KPNA3: variants seen among roughly 807,000 people sequenced by gnomAD.
KPNA3 encodes karyopherin subunit alpha 3, also known as importin subunit alpha-4.
A neutral mutation model predicts 73.8 loss-of-function variants in KPNA3; 13 were observed. The observed-to-expected ratio is 0.18, with a 90% CI of 0.11 to 0.28. The LOEUF (loss-of-function observed/expected upper bound fraction) is 0.28, where lower values mean the gene tolerates loss of function less well. KPNA3 is among the 10% of genes least tolerant of loss of function. The probability of loss-of-function intolerance (pLI) is 1.00; values close to 1 mark genes in which losing one functional copy is unlikely to be tolerated. For synonymous variants in KPNA3, 186 were observed against 206.9 expected (o/e 0.90, Z 0.87); for missense variants, 360 against 618.1 (o/e 0.58, Z 4.43).
At chr13:49,722,725 C>T (rs567016501) in intron 7 of KPNA3, among the ~76,000 whole-genome samples, 162 bp from the exon 8 acceptor site, 21 of 151,498 alleles carry the variant, frequency 1.4e-4, no homozygotes, top group African/African-American at 4.8e-4. Context: ...CAGTATTTTC[C>T]CCTAGTAATA....
At chr13:49,786,685 CA>C (rs1954985259) in intron 1 of KPNA3, among the ~76,000 whole-genome samples, 1 of 152,110 alleles carries the variant, frequency 6.6e-6, no homozygotes, top group Admixed American at 6.5e-5. Flanking sequence ...ACTGGTTACT[CA>C]AGCATCTCCA....
chr13:49,771,313 T>C (rs1252979388), intron 1 of KPNA3, among the ~76,000 whole-genome samples: 1 of 152,226 alleles, frequency 6.6e-6, no homozygotes, highest in Non-Finnish European at 1.5e-5. Flanking sequence ...ACTTAGATCT[T>C]TCTTTCAATG....
chr13:49,770,618 TAC>T (rs1954845383), intron 1 of KPNA3, among the ~76,000 whole-genome samples: 1 of 152,184 alleles, frequency 6.6e-6, no homozygotes, highest in South Asian at 2.1e-4. Context: ...TACAAAGATC[TAC>T]ACAGATGTTT....
At chr13:49,778,640 TG>T (rs1954916339) in intron 1 of KPNA3, among the ~76,000 whole-genome samples, 1 of 152,226 alleles carries the variant, frequency 6.6e-6, no homozygotes, top group Admixed American at 6.5e-5. Context: ...AGAGAGCTTT[TG>T]TTTTTTTGTT....
intron 10 of KPNA3, among the ~76,000 whole-genome samples, chr13:49,713,547 A>G (rs1259008789): frequency 6.6e-6 from 1 of 151,952 alleles, no homozygotes; most frequent in Admixed American, 6.6e-5. Flanking sequence ...TCACAAGGCA[A>G]AAAACTTATA....
At chr13:49,746,467 G>A (rs1267280043) in intron 2 of KPNA3, among the ~76,000 whole-genome samples, 2 of 152,036 alleles carry the variant, frequency 1.3e-5, no homozygotes, top group Non-Finnish European at 1.5e-5. Context: ...AGAGTGAAAC[G>A]CTGTCTCAAA....
At chr13:49,790,144 C>T (rs1026580407) in intron 1 of KPNA3, among the ~76,000 whole-genome samples, 11 of 152,174 alleles carry the variant, frequency 7.2e-5, no homozygotes, top group African/African-American at 2.7e-4. Flanking sequence ...GTGACATGCA[C>T]AGGCTACATA....
chr13:49,722,352 A>T, intron 8 of KPNA3, 125 bp downstream of exon 8: 1 of 695,488 alleles, frequency 1.4e-6, no homozygotes, highest in Non-Finnish European at 2.4e-6. Flanking sequence ...TTAAGTCAGT[A>T]CTTATGAGGC....
At chr13:49,708,299 A>G (rs750684589) in intron 12 of KPNA3, among the ~76,000 whole-genome samples, 1 of 151,830 alleles carries the variant, frequency 6.6e-6, no homozygotes, top group Non-Finnish European at 1.5e-5. Context: ...CTGGCCAACT[A>G]AACGTAAATT....
intron 10 of KPNA3, 81 bp downstream of exon 10, chr13:49,719,694 A>G (rs1389327154): frequency 2.2e-6 from 2 of 917,642 alleles, no homozygotes; most frequent in Admixed American, 2.0e-5. Context: ...AAGTTGATAA[A>G]ATGTATGCTG....
rs1954255937 is a variant in KPNA3, at chr13:49,711,075, C to A, written c.772-53G>T. On this transcript the variant is annotated intron_variant, in intron 10 of 16. Transcript: ENST00000261667. Reference sequence around the variant, plus strand: ...TTTACATATTTGTTTGAATGCTTTACTTGTTCAACACACCTCAGGAGTAGT... The same window carrying A: ...TTTACATATTTGTTTGAATGCTTTAATTGTTCAACACACCTCAGGAGTAGT... 17 of 1,536,024 alleles carry A rather than the reference C, an allele frequency of 1.1e-5. 1 individual carries two copies. The South Asian group carries it at 2.1e-4, about 19-fold the overall frequency.
chr13:49,751,119 GC>G (rs1954659116), intron 1 of KPNA3, among the ~76,000 whole-genome samples: 1 of 152,170 alleles, frequency 6.6e-6, no homozygotes, highest in African/African-American at 2.4e-5. Context: ...TGTGTTAAGG[GC>G]TGGAAGAGAG....
chr13:49,740,297 T>C (rs1954561905), intron 2 of KPNA3, among the ~76,000 whole-genome samples: 1 of 152,092 alleles, frequency 6.6e-6, no homozygotes, highest in Non-Finnish European at 1.5e-5. Context: ...TTCATTTTTG[T>C]GTGTGTGGTG....
At chr13:49,787,949 G>C (rs1299450902) in intron 1 of KPNA3, among the ~76,000 whole-genome samples, 1 of 152,194 alleles carries the variant, frequency 6.6e-6, no homozygotes, top group Non-Finnish European at 1.5e-5. Flanking sequence ...CAAAGTGCTG[G>C]GATTACAGGC....
chr13:49,704,459 AAATAAATAAATAAATAAATAAAT>A (rs1954185851), intron 15 of KPNA3, among the ~76,000 whole-genome samples: 12 of 93,002 alleles, frequency 1.3e-4, no homozygotes, highest in African/African-American at 3.2e-4. Flanking sequence ...ATAAATAAAT[AAATAAATAAATAAATAAATAAAT>A]AGAAAGAAAG....
chr13:49,723,881 A>G (rs1292377747), intron 7 of KPNA3, among the ~76,000 whole-genome samples: 2 of 151,288 alleles, frequency 1.3e-5, no homozygotes, highest in Non-Finnish European at 2.9e-5. Context: ...AAAAAAAAAA[A>G]AAAGAAAAGA....
intron 1 of KPNA3, among the ~76,000 whole-genome samples, chr13:49,749,538 AGAGAACT>A (rs1388341510): frequency 6.6e-6 from 1 of 152,170 alleles, no homozygotes; most frequent in Non-Finnish European, 1.5e-5. Context: ...ATCCCTTCTT[AGAGAACT>A]GTATCACCTA....
At chr13:49,763,726 G>A (rs1954787166) in intron 1 of KPNA3, among the ~76,000 whole-genome samples, 1 of 152,138 alleles carries the variant, frequency 6.6e-6, no homozygotes, top group South Asian at 2.1e-4. Context: ...CTGAGGTCAG[G>A]AGTTCAAGAC....
At chr13:49,763,401 G>A (rs1954784273) in intron 1 of KPNA3, among the ~76,000 whole-genome samples, 1 of 152,042 alleles carries the variant, frequency 6.6e-6, no homozygotes, top group Non-Finnish European at 1.5e-5. Flanking sequence ...ATAGAAAAGA[G>A]GGTAAGAAAC....
Sources: gnomAD v4.1 joint callset for allele counts (sites outside exome capture counted in the v4.1 genomes callset) on GRCh38, gnomAD v4.1.1 for gene constraint, MANE v1.5 for transcripts, NCBI Gene and HGNC (gene_info 2026-07-23, HGNC 2026-07-21) for gene names.